Variants in CDHR2 observed in about 807,000 individuals in gnomAD.
CDHR2 encodes the protein cadherin-related family member 2.
Under a neutral mutation model 138.6 loss-of-function variants are expected in CDHR2, and 104 were observed. The ratio of observed to expected loss-of-function variants is 0.75; its 90% CI spans 0.64 to 0.88. The LOEUF (loss-of-function observed/expected upper bound fraction) is 0.88, where lower values mean the gene tolerates loss of function less well. Among genes scored for constraint, CDHR2 ranks in the 40% least tolerant of loss-of-function variants. CDHR2 has a pLI of 0.00. For missense variants in CDHR2, 1,624 were observed against 1,727.6 expected, an observed-to-expected ratio of 0.94 and a Z score of 1.06; for synonymous variants, 755 against 742.8, an observed-to-expected ratio of 1.02 and a Z score of -0.27.
Position 176,591,480 on chromosome 5 carries a change from G to T in CDHR2, c.3730G>T (p.Val1244Phe), listed in dbSNP as rs1758843452. ...YLSPSNDLDS[V>F]SVNSLDDNSV... ...CTCTCCCTCCAATGACCTGGACTCT[G>T]TCAGGTGAGCAGTGCCCCTCACAGC... The change falls in exon 30 of 32, where the codon GTC becomes TTC. Residue 1244 changes from valine to phenylalanine, a missense_variant. Around this residue, in one of 3 missense-constraint regions of CDHR2, gnomAD observed 556 missense variants for 565.7 expected, o/e 0.98. Transcript: ENST00000261944. 6.2e-7 allele frequency: 1 copy of T among 1,611,410 alleles called. No homozygotes were observed. Among genetic ancestry groups the T allele is most frequent in the Non-Finnish European group, 8.5e-7 (1 of 1,177,864 alleles).
At position 176,577,680 on chromosome 5, in the gene CDHR2, T is replaced by C. The variant is rs1561875405; in HGVS notation, c.1394T>C (p.Met465Thr). Reference protein sequence around the residue: ...DSVSQNFSVAMVTIHLRDIND... With the variant: ...DSVSQNFSVATVTIHLRDIND... ...GTCAGCCAGAACTTCTCCGTCGCCATGGTGACCATCCACCTTAGAGACATT... is the reference window on the plus strand; with the variant it reads ...GTCAGCCAGAACTTCTCCGTCGCCACGGTGACCATCCACCTTAGAGACATT... The change falls in exon 14 of 32, where the codon ATG becomes ACG. Residue 465 changes from methionine (M) to threonine (T), a missense_variant. By Grantham distance (81) the Met-to-Thr change is moderately conservative. This residue lies in a region of CDHR2 where 1,061 missense variants were observed against 1,136.6 expected (regional missense o/e 0.93). Transcript: ENST00000261944. 10 of 1,614,218 alleles carry C rather than the reference T, an allele frequency of 6.2e-6. No homozygotes were observed. Among genetic ancestry groups the C allele is most frequent in the African/African-American group, 1.3e-5 (1 of 75,056 alleles).
intron 17 of CDHR2, 58 bp downstream of exon 17, chr5:176,581,640 C>T: frequency 2.5e-6 from 4 of 1,592,110 alleles, no homozygotes; most frequent in Non-Finnish European, 3.4e-6. Flanking sequence ...TAGCCAGCCC[C>T]TCCAGCTTGA....
chr5:176,586,107 C>A (rs1221880184), intron 20 of CDHR2, 82 bp downstream of exon 20: 23 of 1,106,638 alleles, frequency 2.1e-5, no homozygotes, highest in Non-Finnish European at 3.2e-5. Context: ...CTCCTTGGAC[C>A]CCAGGGGGAG....
rs201557706 is a variant in CDHR2, at chr5:176,568,639, G to C, written c.125-39G>C. 574 of 1,608,226 alleles carry C rather than the reference G, an allele frequency of 3.6e-4. 9 individuals carry two copies. In the Admixed American group the frequency reaches 9.2e-3, roughly 26 times the overall value. Reference sequence around the variant, plus strand: ...GCTTGGCCAGACCAGCACTGAAAGGGTGGCTGTGGACCCTGGGTGGCCCCT... The same window carrying C: ...GCTTGGCCAGACCAGCACTGAAAGGCTGGCTGTGGACCCTGGGTGGCCCCT... On this transcript the variant is annotated intron_variant, in intron 3 of 31. Coordinates refer to ENST00000261944, the MANE Select transcript of CDHR2 (RefSeq NM_017675.6).
chr5:176,565,483 C>A, intron 2 of CDHR2, 79 bp downstream of exon 2: 1 of 1,440,192 alleles, frequency 6.9e-7, no homozygotes, highest in Non-Finnish European at 9.8e-7. Flanking sequence ...AGGGGGATCC[C>A]TCATCAGCAA....
intron 3 of CDHR2, chr5:176,567,069 A>T: frequency 2.2e-6 from 1 of 455,366 alleles, no homozygotes; most frequent in Middle Eastern, 3.3e-4. Context: ...CCATCACCCC[A>T]GAAAGTTCCC....
chr5:176,586,775 T>C lies in CDHR2; in HGVS notation c.2807-18T>C. 3 of 1,600,562 alleles carry C rather than the reference T, an allele frequency of 1.9e-6. No individual in the cohort carries two copies. The highest frequency in any genetic ancestry group is 2.6e-6 in the Non-Finnish European group (3 of 1,173,092). On this transcript the variant is annotated intron_variant, in intron 20 of 31. Coordinates refer to ENST00000261944, the MANE Select transcript of CDHR2 (RefSeq NM_017675.6). ...AGTGTCCCGACCCCGCTGACCCCGT[T>C]CCCGTTCACACCTGCAGTGATCATC...
rs1349741376 is a variant in CDHR2 at position 176,576,447 on chromosome 5, A to G, written c.1194+262A>G. ...GTCAGATGATGCTGAGTAGAACATC[A>G]TTGTCCGTGGTGATGGGTGGCTGGC... On this transcript the variant is annotated intron_variant, in intron 12 of 31. Coordinates refer to ENST00000261944, the MANE Select transcript of CDHR2 (RefSeq NM_017675.6). The surrounding 1 kb of genome is among the most constrained non-coding windows in gnomAD (Gnocchi z 4.5). 1.3e-5 allele frequency among the ~76,000 whole-genome samples: 2 copies of G among 151,658 alleles called. No homozygotes were observed. The highest frequency in any genetic ancestry group is 2.4e-5 in the African/African-American group (1 of 41,212).
intron 1 of CDHR2, among the ~76,000 whole-genome samples, chr5:176,558,296 A>C (rs1757887548): frequency 6.7e-6 from 1 of 150,158 alleles, no homozygotes; most frequent in African/African-American, 2.5e-5. Context: ...GCTCACTGCA[A>C]GCTCCGTCTC....
At chr5:176,585,745 T>C (rs752564871) in intron 19 of CDHR2, among the ~76,000 whole-genome samples, 51 of 146,518 alleles carry the variant, frequency 3.5e-4, no homozygotes, top group Non-Finnish European at 6.7e-4. Flanking sequence ...GGACTGAGCA[T>C]GGGGGAACAC....
chr5:176,592,605 T>C lies in CDHR2; in HGVS notation c.3735-118T>C. The C allele has an allele frequency of 5.1e-6, 4 of 781,736 alleles. No homozygotes were observed. In the South Asian group the frequency reaches 5.7e-5, roughly 11 times the overall value. 48.4% of individuals were successfully genotyped at this position (781,736 alleles called of 1,614,324 possible). ...GTTGTGATGATGGTGGTGGTGGTGA[T>C]GGTGATGATGGTGGTAGTCGTGGTG... On this transcript the variant is annotated intron_variant, in intron 30 of 31. Transcript: ENST00000261944.
At chr5:176,555,394 G>A (rs1050830880) in intron 1 of CDHR2, among the ~76,000 whole-genome samples, 3 of 152,178 alleles carry the variant, frequency 2.0e-5, no homozygotes, top group African/African-American at 7.2e-5. Flanking sequence ...AGCTGTGAGG[G>A]CCTCAGCGGA....
chr5:176,573,355 C>T (rs892402925), intron 6 of CDHR2, among the ~76,000 whole-genome samples: 17 of 152,046 alleles, frequency 1.1e-4, no homozygotes, highest in Middle Eastern at 6.8e-3. Flanking sequence ...AAGTATAGGT[C>T]GTGGCTGGGC....
chr5:176,588,282 CAG>C (rs10577283), intron 21 of CDHR2, among the ~76,000 whole-genome samples: 47,249 of 150,454 alleles, frequency 0.31, 8,986 homozygotes, highest in Non-Finnish European at 0.42. Context: ...ATGTGTGTGA[CAG>C]TGTGTGGGTA....
In CDHR2 at chr5:176,577,520, T is replaced by G; in HGVS notation, c.1316T>G (p.Val439Gly). The change falls in exon 13 of 32, where the codon GTG (valine) becomes GGG (glycine). Residue 439 changes from valine (V) to glycine (G), a missense_variant. Val to Gly is a moderately radical substitution (Grantham distance 109, BLOSUM62 -3). Around this residue, in one of 3 missense-constraint regions of CDHR2, gnomAD observed 1,061 missense variants for 1,136.6 expected, o/e 0.93. Coordinates refer to ENST00000261944, the MANE Select transcript of CDHR2 (RefSeq NM_017675.6). ...VQVLVRVSAL[V>G]DYERQTAMAV... is the part of the protein sequence containing the mutation. ...GTGCTGGTGAGAGTATCCGCGCTGG[T>G]GGACTACGAGAGGCAGACGGCGATG... 1 of 1,613,418 alleles carries G rather than the reference T, an allele frequency of 6.2e-7. No individual in the cohort carries two copies. The highest frequency in any genetic ancestry group is 8.5e-7 in the Non-Finnish European group (1 of 1,179,822).
At chr5:176,578,778 G>C (rs909482354) in intron 16 of CDHR2, among the ~76,000 whole-genome samples, 170 bp downstream of exon 16, 2 of 152,160 alleles carry the variant, frequency 1.3e-5, no homozygotes, top group African/African-American at 2.4e-5. Flanking sequence ...CTTACTCTCA[G>C]GGTCATTGGG....
At chr5:176,574,216 G>A in intron 7 of CDHR2, 44 bp downstream of exon 7, 1 of 1,414,138 alleles carries the variant, frequency 7.1e-7, no homozygotes, top group Non-Finnish European at 1.0e-6. Flanking sequence ...ACCGCCAGGG[G>A]GCAGCATCTC....
chr5:176,573,115 AG>A (rs917906864), intron 6 of CDHR2, among the ~76,000 whole-genome samples: 52 of 152,308 alleles, frequency 3.4e-4, no homozygotes, highest in Middle Eastern at 6.8e-3. Context: ...GGGGTGCTCC[AG>A]GCAGGGGGAA....
chr5:176,583,631 G>A (rs1180009436), intron 17 of CDHR2, among the ~76,000 whole-genome samples: 1 of 152,162 alleles, frequency 6.6e-6, no homozygotes, highest in African/African-American at 2.4e-5. Flanking sequence ...AGAGGTGAGA[G>A]CCAAAAACAG....
Sources: gnomAD v4.1 joint callset for allele counts (sites outside exome capture counted in the v4.1 genomes callset) on GRCh38, gnomAD v4.1.1 for gene constraint, gnomAD v4.1.1 regional missense constraint, Gnocchi (gnomAD v3.1) non-coding constraint, MANE v1.5 for transcripts, NCBI Gene and HGNC (gene_info 2026-07-23, HGNC 2026-07-21) for gene names.